Variants in EYA2 observed in about 807,000 individuals in gnomAD.
EYA2 encodes EYA transcriptional coactivator and phosphatase 2.
Under a neutral mutation model 69.2 loss-of-function variants are expected in EYA2, and 31 were observed. The ratio of observed to expected loss-of-function variants is 0.45; its 90% confidence interval spans 0.34 to 0.60. The LOEUF (loss-of-function observed/expected upper bound fraction) is 0.60. Ranked by LOEUF, EYA2 falls within the 20% of genes least tolerant of loss-of-function variation. The pLI is 0.02. For synonymous variants in EYA2, 257 were observed against 279.4 expected, an observed-to-expected ratio of 0.92 and a Z score of 0.80; for missense variants, 622 against 701.2, an observed-to-expected ratio of 0.89 and a Z score of 1.28.
At chr20:47,034,615 TG>T (rs1221967861) in intron 5 of EYA2, among the ~76,000 whole-genome samples, 1 of 152,200 alleles carries the variant, frequency 6.6e-6, no homozygotes, top group Non-Finnish European at 1.5e-5. Context: ...CCCGAGGCCC[TG>T]TCCCCACCAA....
At chr20:47,161,624 C>T (rs2034068249) in intron 10 of EYA2, 2 of 228,328 alleles carry the variant, frequency 8.8e-6, no homozygotes, top group Admixed American at 5.5e-5. Flanking sequence ...GACCCCAGCC[C>T]CCGATGCCCC....
Position 47,016,818 on chromosome 20 carries a change from T to A in EYA2, c.415+521T>A, listed in dbSNP as rs183295710. 1.6e-3 allele frequency among the ~76,000 whole-genome samples: 251 copies of A among 152,194 alleles called. 1 individual carries two copies. Among genetic ancestry groups the A allele is most frequent in the African/African-American group, 5.8e-3 (242 of 41,500 alleles). On this transcript the variant is annotated intron_variant, in intron 5 of 15. Transcript: ENST00000327619. Reference sequence around the variant, plus strand: ...GAGACTGGAGCAAAGTCAGAAGGCATGTAGGAGGAGAGAATCTTGGAGAAA... The same window carrying A: ...GAGACTGGAGCAAAGTCAGAAGGCAAGTAGGAGGAGAGAATCTTGGAGAAA...
chr20:47,083,206 A>G (rs910588671), intron 7 of EYA2, among the ~76,000 whole-genome samples: 1 of 152,188 alleles, frequency 6.6e-6, no homozygotes, highest in African/African-American at 2.4e-5. Flanking sequence ...AAATAAATGA[A>G]TTAACCCACA....
chr20:47,155,331 G>A (rs1465064007), intron 10 of EYA2, among the ~76,000 whole-genome samples: 3 of 152,006 alleles, frequency 2.0e-5, no homozygotes, highest in African/African-American at 7.2e-5. Flanking sequence ...GGTGATCAAA[G>A]CAATGTGCAA....
chr20:46,957,788 A>T (rs1979225799), intron 1 of EYA2, among the ~76,000 whole-genome samples: 1 of 152,180 alleles, frequency 6.6e-6, no homozygotes. Flanking sequence ...CTGCAAGAGG[A>T]TAAATTTCTG....
At chr20:47,077,013 A>G (rs919538427) in intron 7 of EYA2, among the ~76,000 whole-genome samples, 2 of 152,248 alleles carry the variant, frequency 1.3e-5, no homozygotes, top group African/African-American at 4.8e-5. Flanking sequence ...GGGATGAAGC[A>G]GCAGACTTTG....
chr20:46,948,213 GCTAA>G (rs1459607297), intron 1 of EYA2, among the ~76,000 whole-genome samples: 5 of 152,156 alleles, frequency 3.3e-5, no homozygotes, highest in Non-Finnish European at 5.9e-5. Flanking sequence ...AGGGCCAAAT[GCTAA>G]CTATTTTTGG....
At chr20:46,930,161 C>A (rs1270505689) in intron 1 of EYA2, among the ~76,000 whole-genome samples, 5 of 152,166 alleles carry the variant, frequency 3.3e-5, no homozygotes, top group Non-Finnish European at 7.3e-5. Flanking sequence ...TGTGGTCCTC[C>A]TGAAGAACAG....
chr20:46,953,391 G>C (rs1978920573), intron 1 of EYA2, among the ~76,000 whole-genome samples: 1 of 152,160 alleles, frequency 6.6e-6, no homozygotes, highest in African/African-American at 2.4e-5. Flanking sequence ...TTGGGGAATG[G>C]TTATGTTTTC....
At chr20:47,110,390 C>T (rs1413404870) in intron 9 of EYA2, among the ~76,000 whole-genome samples, 2 of 151,272 alleles carry the variant, frequency 1.3e-5, no homozygotes, top group Non-Finnish European at 2.9e-5. Flanking sequence ...CACAGACATG[C>T]ACTACCATGC....
chr20:46,951,914 A>G (rs1193718233), intron 1 of EYA2, among the ~76,000 whole-genome samples: 4 of 152,128 alleles, frequency 2.6e-5, no homozygotes, highest in East Asian at 3.9e-4. Flanking sequence ...ACCTCCTGAC[A>G]TTGTCAGTTT....
chr20:47,143,237 TTTTC>T (rs1014650758), intron 10 of EYA2, 89 bp downstream of exon 10: 1 of 1,137,436 alleles, frequency 8.8e-7, no homozygotes, highest in East Asian at 2.7e-5. Context: ...TTTCCTTTCT[TTTTC>T]TTTTTCTTTT....
chr20:46,993,849 G>C (rs1981843843), intron 2 of EYA2, among the ~76,000 whole-genome samples: 1 of 152,310 alleles, frequency 6.6e-6, no homozygotes, highest in East Asian at 1.9e-4. Flanking sequence ...GGAGGTAAGG[G>C]AGGGTGCCAC....
intron 5 of EYA2, among the ~76,000 whole-genome samples, chr20:47,022,633 T>A (rs999124155): frequency 1.4e-5 from 2 of 146,558 alleles, no homozygotes; most frequent in African/African-American, 2.5e-5. Flanking sequence ...AACTGAGATA[T>A]AACTCACATC....
intron 1 of EYA2, among the ~76,000 whole-genome samples, chr20:46,971,349 T>C (rs188678533): frequency 4.6e-5 from 7 of 152,350 alleles, no homozygotes; most frequent in Non-Finnish European, 1.0e-4. Context: ...AAGGTGCTGC[T>C]CTTTTCCTCA....
chr20:46,986,391 A>ATATAATATATAGATCTATATAATATC (rs1981198840), intron 1 of EYA2, among the ~76,000 whole-genome samples: 1 of 147,838 alleles, frequency 6.8e-6, no homozygotes, highest in South Asian at 2.1e-4. Flanking sequence ...ATATATCGAT[A>ATATAATATATAGATCTATATAATATC]TATAATATAT....
chr20:47,150,561 G>A (rs943006827), intron 10 of EYA2, among the ~76,000 whole-genome samples: 5 of 151,926 alleles, frequency 3.3e-5, no homozygotes, highest in Non-Finnish European at 7.4e-5. Flanking sequence ...TCGACCTCCT[G>A]GGCTCAAGCC....
chr20:46,932,835 G>A (rs1425481508), intron 1 of EYA2, among the ~76,000 whole-genome samples: 2 of 152,224 alleles, frequency 1.3e-5, no homozygotes, highest in Admixed American at 6.5e-5. Context: ...GCAGTGAGCC[G>A]AGATCGAGCC....
intron 9 of EYA2, among the ~76,000 whole-genome samples, chr20:47,108,731 C>G (rs2032662505): frequency 6.6e-6 from 1 of 151,962 alleles, no homozygotes; most frequent in African/African-American, 2.4e-5. Flanking sequence ...ACCACTGTGC[C>G]CAGCTAATTT....
Sources: gnomAD v4.1 joint callset for allele counts (sites outside exome capture counted in the v4.1 genomes callset) on GRCh38, gnomAD v4.1.1 for gene constraint, MANE v1.5 for transcripts, NCBI Gene and HGNC (gene_info 2026-07-23, HGNC 2026-07-21) for gene names.